MTMR2: variants seen among roughly 807,000 people sequenced by gnomAD.
MTMR2 encodes myotubularin related protein 2.
In MTMR2, 55 loss-of-function variants were observed where a neutral mutation model predicts 86.9. The ratio of observed to expected loss-of-function variants is 0.63; its 90% CI spans 0.51 to 0.79. The LOEUF (loss-of-function observed/expected upper bound fraction) is 0.79, where lower values mean the gene tolerates loss of function less well. Ranked by LOEUF, MTMR2 falls within the 30% of genes least tolerant of loss-of-function variation. MTMR2 has a pLI of 0.00. For missense variants in MTMR2, 659 were observed against 772.3 expected, an observed-to-expected ratio of 0.85 and a Z score of 1.74; for synonymous variants, 241 against 266.8, an observed-to-expected ratio of 0.90 and a Z score of 0.94.
chr11:95,857,213 T>C (rs1379070020), intron 7 of MTMR2, among the ~76,000 whole-genome samples: 2 of 152,154 alleles, frequency 1.3e-5, no homozygotes, highest in African/African-American at 4.8e-5. Context: ...TAGAATACTC[T>C]AGATAACAAA....
rs559616182 is a variant in MTMR2 at position 95,913,764 on chromosome 11, AAAAG to A, written c.80+10107_80+10110del. 2.2e-4 allele frequency among the ~76,000 whole-genome samples: 34 copies of A among 152,110 alleles called. 1 individual carries two copies. The South Asian group carries it at 6.9e-3, about 31-fold the overall frequency. ...AAAGGAAGGGAAAGAGGAGGGGAAAAAAAGAAAGAATAGAGAAAGAGGGGGAAGG... is the reference window on the plus strand; with the variant it reads ...AAAGGAAGGGAAAGAGGAGGGGAAAAAAAGAATAGAGAAAGAGGGGGAAGG... On this transcript the variant is annotated intron_variant, in intron 1 of 14. Coordinates refer to ENST00000346299, the MANE Select transcript of MTMR2 (RefSeq NM_016156.6).
Position 95,844,974 on chromosome 11 carries a change from AC to A in MTMR2, c.1364del (p.Ser455IlefsTer8). ...TTACTAGTTGAAATCGATGTCCAAA[AC>A]TTAGCCATTCTTTCTCCACAAGGAC... ...FEVLVEKEWL[S>X]FGHRFQLRVG... is the part of the protein sequence containing the mutation. On this transcript the variant is annotated frameshift_variant, in exon 11 of 15. Coordinates refer to ENST00000346299, the MANE Select transcript of MTMR2 (RefSeq NM_016156.6). LOFTEE classifies it high-confidence loss of function. 1 of 1,613,674 alleles carries A rather than the reference AC, an allele frequency of 6.2e-7. No homozygotes were observed. Among genetic ancestry groups the A allele is most frequent in the East Asian group, 2.2e-5 (1 of 44,864 alleles).
At chr11:95,863,534 A>T (rs1864496959) in intron 3 of MTMR2, among the ~76,000 whole-genome samples, 1 of 152,200 alleles carries the variant, frequency 6.6e-6, no homozygotes, top group African/African-American at 2.4e-5. Context: ...ATACAAAAAT[A>T]CACAAACTTG....
Position 95,862,277 on chromosome 11 carries a change from C to G in MTMR2, c.352G>C (p.Glu118Gln). The change falls in exon 4 of 15, where the codon GAA becomes CAA. Residue 118 changes from glutamate (E) to glutamine (Q), a missense_variant. By Grantham distance (29) the Glu-to-Gln change is conservative (BLOSUM62 2). Transcript: ENST00000346299. The stretch of plus-strand genomic sequence containing the variant: ...AAATCTAATCTGACTCTTACCCGTT[C>G]CATGCTTTTGAAATATAACCTATAA... ...TNYRLYFKSM[E>Q]RDPPFVLDAS... The G allele has an allele frequency of 6.2e-7, 1 of 1,613,630 alleles. No individual in the cohort carries two copies.
At chr11:95,840,877 T>A (rs977522733) in intron 12 of MTMR2, among the ~76,000 whole-genome samples, 2 of 152,188 alleles carry the variant, frequency 1.3e-5, no homozygotes, top group Non-Finnish European at 2.9e-5. Context: ...CCAGTTGTTT[T>A]GGGGTCTAAT....
In MTMR2 at chr11:95,841,577, G is replaced by T. The variant is rs1393422323; in HGVS notation, c.1479+40C>A. The T allele has an allele frequency of 2.1e-6, 3 of 1,428,572 alleles. No individual in the cohort carries two copies. The African/African-American group carries it at 4.2e-5, about 20-fold the overall frequency. 88.5% of individuals were successfully genotyped at this position (1,428,572 alleles called of 1,614,324 possible). ...ATCTCCCCACTCTGACAGGAAAACTGAAAGGAGATGTGTAAGAATACATAG... is the reference window on the plus strand; with the variant it reads ...ATCTCCCCACTCTGACAGGAAAACTTAAAGGAGATGTGTAAGAATACATAG... On this transcript the variant is annotated intron_variant, in intron 12 of 14. Coordinates refer to ENST00000346299, the MANE Select transcript of MTMR2 (RefSeq NM_016156.6).
chr11:95,919,111 T>G (rs946334164), intron 1 of MTMR2, among the ~76,000 whole-genome samples: 2 of 152,174 alleles, frequency 1.3e-5, no homozygotes, highest in African/African-American at 4.8e-5. Context: ...CTGCTAGGAT[T>G]ACAGGCGTTA....
Position 95,833,133 on chromosome 11 carries a change from TC to T in MTMR2, c.*2156del, listed in dbSNP as rs1328591754. ...ATTAGTCACAAGGGAGAACAGTTGT[TC>T]CAGGTGCACAAGACAGACTGAACCA... On this transcript the variant is annotated 3_prime_UTR_variant, in exon 15 of 15. Coordinates refer to ENST00000346299, the MANE Select transcript of MTMR2 (RefSeq NM_016156.6). 6.6e-6 allele frequency: 1 copy of T among 152,062 alleles called. No homozygotes were observed. The highest frequency in any genetic ancestry group is 1.5e-5 in the Non-Finnish European group (1 of 67,998). 9.4% of individuals were successfully genotyped at this position (152,062 alleles called of 1,614,324 possible).
intron 7 of MTMR2, among the ~76,000 whole-genome samples, chr11:95,856,941 C>T (rs572145989): frequency 1.4e-4 from 21 of 152,090 alleles, no homozygotes; most frequent in Non-Finnish European, 2.5e-4. Context: ...TTGATTCCCA[C>T]TTATTTTGTA....
intron 2 of MTMR2, among the ~76,000 whole-genome samples, chr11:95,873,574 G>T (rs950698945): frequency 6.6e-6 from 1 of 151,980 alleles, no homozygotes; most frequent in African/African-American, 2.4e-5. Flanking sequence ...ATTTTTTGAA[G>T]GGTTTTTTGT....
intron 2 of MTMR2, among the ~76,000 whole-genome samples, chr11:95,870,789 GGTTT>G (rs1380435758): frequency 6.8e-6 from 1 of 148,000 alleles, no homozygotes; most frequent in Non-Finnish European, 1.5e-5. Context: ...ACAATGTGCA[GGTTT>G]GTTACATATG....
chr11:95,866,338 C>T (rs1864616158), intron 2 of MTMR2: 1 of 152,942 alleles, frequency 6.5e-6, no homozygotes, highest in African/African-American at 2.4e-5. Context: ...CCCAAATTGT[C>T]ATATGCTAAA....
intron 2 of MTMR2, among the ~76,000 whole-genome samples, chr11:95,870,731 C>CTTTTTTTTTTTTTTTTTTT (rs1158293839): frequency 1.5e-5 from 2 of 129,974 alleles, no homozygotes; most frequent in African/African-American, 3.0e-5. Flanking sequence ...TTCTTTTTTT[C>CTTTTTTTTTTTTTTTTTTT]TTTTTCTTTT....
intron 2 of MTMR2, among the ~76,000 whole-genome samples, chr11:95,872,090 ACTTGGCAAGG>A (rs1864912587): frequency 6.6e-6 from 1 of 152,064 alleles, no homozygotes; most frequent in African/African-American, 2.4e-5. Context: ...CTTAGGATTG[ACTTGGCAAGG>A]CGGGCTCTTT....
chr11:95,916,379 G>A (rs2186782), intron 1 of MTMR2, among the ~76,000 whole-genome samples: 41,627 of 151,878 alleles, frequency 0.27, 6,842 homozygotes, highest in Non-Finnish European at 0.37. Context: ...AAAATGACAT[G>A]TGACTGCCAA....
At chr11:95,860,562 A>G (rs769806879) in intron 5 of MTMR2, among the ~76,000 whole-genome samples, 10 of 152,176 alleles carry the variant, frequency 6.6e-5, no homozygotes, top group Non-Finnish European at 1.3e-4. Context: ...CAGAGTCACA[A>G]AACTTCTAAG....
chr11:95,838,777 AT>A (rs2135409493), intron 12 of MTMR2, among the ~76,000 whole-genome samples: 1 of 152,090 alleles, frequency 6.6e-6, no homozygotes, highest in South Asian at 2.1e-4. Flanking sequence ...GTAAGCCACT[AT>A]TTTGGCAGCA....
intron 1 of MTMR2, among the ~76,000 whole-genome samples, chr11:95,906,841 T>A (rs1167163079): frequency 6.6e-6 from 1 of 152,106 alleles, no homozygotes; most frequent in Non-Finnish European, 1.5e-5. Flanking sequence ...AGAACAAAGA[T>A]ACAACATACT....
rs1399467975 is a variant in MTMR2 at position 95,877,331 on chromosome 11, CCTTTTTTTTTTT to C, written c.186+10813_186+10824del. ...CATTCAAGATCAAGCACAGGGAAGC[CCTTTTTTTTTTT>C]TTTTTTTTTTTTTTTTTTTTATATA... On this transcript the variant is annotated intron_variant, in intron 2 of 14. Transcript: ENST00000346299. Among the ~76,000 whole-genome samples the C allele has an allele frequency of 8.1e-3, 765 of 94,734 alleles. 17 individuals are homozygous for C. Among genetic ancestry groups the C allele is most frequent in the Middle Eastern group, 0.017 (2 of 118 alleles). 62.1% of individuals were successfully genotyped at this position (94,734 alleles called of 152,430 possible). A position where few individuals can be genotyped will look rare whatever the true frequency, so the allele number is the denominator to read the frequency against.
Sources: gnomAD v4.1 joint callset for allele counts (sites outside exome capture counted in the v4.1 genomes callset) on GRCh38, gnomAD v4.1.1 for gene constraint, MANE v1.5 for transcripts, NCBI Gene and HGNC (gene_info 2026-07-23, HGNC 2026-07-21) for gene names.